DST: variants seen among roughly 807,000 people sequenced by gnomAD.
The protein encoded by DST is bullous pemphigoid antigen.
DST carries 253 observed loss-of-function variants against 875.2 expected under a neutral mutation model. That is an observed-to-expected ratio of 0.29 (90% CI 0.26 to 0.32). DST has a LOEUF of 0.32. Among genes scored for constraint, DST ranks in the 10% least tolerant of loss-of-function variants. The pLI is 1.00. For synonymous variants in DST, 3,124 were observed against 3,197.1 expected, an observed-to-expected ratio of 0.98 and a Z score of 0.77; for missense variants, 8,287 against 9,111.6, an observed-to-expected ratio of 0.91 and a Z score of 3.68.
At chr6:56,840,662 T>C (rs932957554) in intron 4 of DST, among the ~76,000 whole-genome samples, 1 of 152,188 alleles carries the variant, frequency 6.6e-6, no homozygotes. Context: ...AAGAATAGAC[T>C]GACTACACCA....
Position 56,463,643 on chromosome 6 carries a change from T to G in DST, c.22881A>C (p.Ser7627=), listed in dbSNP as rs1190675127. 1.2e-6 allele frequency: 2 copies of G among 1,613,836 alleles called. No homozygotes were observed. The highest frequency in any genetic ancestry group is 2.2e-5 in the South Asian group (2 of 91,064). The part of the protein sequence containing the change: ...RRSRPSSRGA[S]PNRSTSVSSQ... ...TGGACACAGAAGTGGATCTGTTGGGTGAAGCGCCTCGTGATGATGGCCGGG... is the reference window on the plus strand; with the variant it reads ...TGGACACAGAAGTGGATCTGTTGGGGGAAGCGCCTCGTGATGATGGCCGGG... The change falls in exon 101 of 104, where the codon TCA becomes TCC. Residue 7627 remains serine, a synonymous_variant. Transcript: ENST00000680361.
chr6:56,900,653 G>C (rs909935778), intron 2 of DST, 32 bp from the exon 3 acceptor site: 2 of 1,355,184 alleles, frequency 1.5e-6, no homozygotes, highest in African/African-American at 3.0e-5. Context: ...AGCAAATCCA[G>C]ATTTGTATTG....
rs1328643884 is a variant in DST at position 56,608,389 on chromosome 6, A to G, written c.6239T>C (p.Ile2080Thr). 1 of 1,613,156 alleles carries G rather than the reference A, an allele frequency of 6.2e-7. No individual in the cohort carries two copies. Among genetic ancestry groups the G allele is most frequent in the Non-Finnish European group, 8.5e-7 (1 of 1,179,788 alleles). The change falls in exon 40 of 104, where the codon ATA becomes ACA. Residue 2080 changes from isoleucine to threonine, a missense_variant. Physicochemically the swap from Ile to Thr is moderately conservative, Grantham distance 89. Transcript: ENST00000680361. ...CTGCAAGGAAGATGATGTGGGAAAT[A>G]TTTCACCAGAATGGGGCCAAATGAG... is the stretch of plus-strand genomic sequence containing the variant. ...VGLIWPHSGE[I>T]FPTSSSLQQE...
At position 56,814,600 on chromosome 6, in the gene DST, C is replaced by T. The variant is rs560884444; in HGVS notation, c.625+36797G>A. Among the ~76,000 whole-genome samples, 18 of 152,290 alleles carry T rather than the reference C, an allele frequency of 1.2e-4. No homozygotes were observed. The East Asian group carries it at 1.7e-3, about 15-fold the overall frequency. On this transcript the variant is annotated intron_variant, in intron 4 of 103. Coordinates refer to ENST00000680361, the MANE Select transcript of DST (RefSeq NM_001374736.1). ...ACAATGCAGCAGTTTCCTTCAACAG[C>T]ATTTGTCACAGCAAGTTACAGCTGT...
In DST at chr6:56,709,540, T is replaced by A. The variant is rs187004461; in HGVS notation, c.688-5171A>T. 5.2e-3 allele frequency among the ~76,000 whole-genome samples: 793 copies of A among 152,328 alleles called. 6 individuals carry two copies. Among genetic ancestry groups the A allele is most frequent in the African/African-American group, 0.018 (750 of 41,568 alleles). Reference sequence around the variant, plus strand: ...TTTTAAAAGTCTGACATTATAGTGGTTGATGTTAATCTAGACAAATTTCAC... The same window carrying A: ...TTTTAAAAGTCTGACATTATAGTGGATGATGTTAATCTAGACAAATTTCAC... On this transcript the variant is annotated intron_variant, in intron 5 of 103. Coordinates refer to ENST00000680361, the MANE Select transcript of DST (RefSeq NM_001374736.1).
At position 56,635,232 on chromosome 6, in the gene DST, A is replaced by C. The variant is rs553794746; in HGVS notation, c.3187-279T>G. On this transcript the variant is annotated intron_variant, in intron 24 of 103. Transcript: ENST00000680361. ...CTAACTCCCTCTCTAGCATGTAAGCACCACAAAGGTAGAGATTCTTGTCTG... is the reference window on the plus strand; with the variant it reads ...CTAACTCCCTCTCTAGCATGTAAGCCCCACAAAGGTAGAGATTCTTGTCTG... Among the ~76,000 whole-genome samples, 8 of 152,264 alleles carry C rather than the reference A, an allele frequency of 5.3e-5. No homozygotes were observed. The East Asian group carries it at 1.5e-3, about 29-fold the overall frequency.
intron 4 of DST, among the ~76,000 whole-genome samples, chr6:56,784,182 T>C (rs569830973): frequency 5.3e-5 from 8 of 152,318 alleles, no homozygotes; most frequent in African/African-American, 1.7e-4. Flanking sequence ...TCAACTTTGG[T>C]GAATGTGACA....
rs565195781 is a variant in DST at position 56,779,146 on chromosome 6, A to AT, written c.626-43858dup. ...TCTCTGATGGCCAGTGATGATGAGCATTTTTTCATGTGTCTTTTGGCTGCA... is the reference window on the plus strand; with the variant it reads ...TCTCTGATGGCCAGTGATGATGAGCATTTTTTTCATGTGTCTTTTGGCTGCA... On this transcript the variant is annotated intron_variant, in intron 4 of 103. Coordinates refer to ENST00000680361, the MANE Select transcript of DST (RefSeq NM_001374736.1). Among the ~76,000 whole-genome samples the AT allele has an allele frequency of 3.0e-3, 463 of 152,072 alleles. 3 individuals carry two copies. The highest frequency in any genetic ancestry group is 5.4e-3 in the Non-Finnish European group (366 of 68,016).
chr6:56,636,089 C>T (rs2098821437), intron 23 of DST, among the ~76,000 whole-genome samples: 1 of 151,832 alleles, frequency 6.6e-6, no homozygotes, highest in Admixed American at 6.6e-5. Flanking sequence ...GAAAACAGTT[C>T]CTAAATAAGA....
In DST at chr6:56,636,600, T is replaced by C. The variant is rs575651723; in HGVS notation, c.3017A>G (p.Gln1006Arg). ...CTCCTTTATGTGCTGCTCCACACACTGGCAGAGCTGTAAGATCCAGCTCCA... is the reference window on the plus strand; with the variant it reads ...CTCCTTTATGTGCTGCTCCACACACCGGCAGAGCTGTAAGATCCAGCTCCA... Reference protein sequence around the residue: ...TQWSWILQLCQCVEQHIKENT... With the variant: ...TQWSWILQLCRCVEQHIKENT... The change falls in exon 23 of 104, where the codon CAG (glutamine) becomes CGG (arginine). Residue 1006 changes from glutamine (Q) to arginine (R), a missense_variant. Gln to Arg is a conservative substitution (Grantham distance 43). This residue lies in a region of DST where 1,160 missense variants were observed against 1,424.3 expected (regional missense o/e 0.81). Coordinates refer to ENST00000680361, the MANE Select transcript of DST (RefSeq NM_001374736.1). 2.5e-6 allele frequency: 4 copies of C among 1,613,642 alleles called. No homozygotes were observed. The Admixed American group carries it at 6.7e-5, about 27-fold the overall frequency.
chr6:56,514,223 T>A (rs2096543919), intron 72 of DST, among the ~76,000 whole-genome samples: 1 of 152,200 alleles, frequency 6.6e-6, no homozygotes, highest in Non-Finnish European at 1.5e-5. Context: ...TAGAAATCCA[T>A]GAAACATTTT....
intron 77 of DST, among the ~76,000 whole-genome samples, chr6:56,506,132 A>G (rs1381364699): frequency 6.6e-6 from 1 of 152,206 alleles, no homozygotes; most frequent in Non-Finnish European, 1.5e-5. Context: ...TGAGCCATTT[A>G]TAAAAAACAC....
In DST at chr6:56,631,215, CT is replaced by C; in HGVS notation, c.4137del (p.Ile1379MetfsTer4). ...ATTGAGATAGCAGTTACATACTTAT[CT>C]ATGTAAGTGGAAGACATAGAATAGA... is the stretch of plus-strand genomic sequence containing the variant. ...NQVYSMSSTY[I>X]DKLKTVNLVL... On this transcript the variant is annotated frameshift_variant, in exon 30 of 104. Transcript: ENST00000680361. LOFTEE classifies it high-confidence loss of function. 6.3e-7 allele frequency: 1 copy of C among 1,596,558 alleles called. No individual in the cohort carries two copies. The highest frequency in any genetic ancestry group is 8.6e-7 in the Non-Finnish European group (1 of 1,165,212).
chr6:56,482,087 T>A lies in DST; in HGVS notation c.21494A>T (p.Asp7165Val). The change falls in exon 90 of 104, where the codon GAT becomes GTT. Residue 7165 changes from aspartate to valine, a missense_variant. This residue lies in a region of DST where 1,292 missense variants were observed against 1,552.7 expected (regional missense o/e 0.83). Coordinates refer to ENST00000680361, the MANE Select transcript of DST (RefSeq NM_001374736.1). ...TLRFHGVLPD[D>V]EDALRTLIDQ... ...AATGAGAGTCCGGAGAGCATCCTCATCATCTGGGAGGACACCATGGAAACG... is the reference window on the plus strand; with the variant it reads ...AATGAGAGTCCGGAGAGCATCCTCAACATCTGGGAGGACACCATGGAAACG... The A allele has an allele frequency of 1.2e-6, 2 of 1,613,774 alleles. No individual in the cohort carries two copies. Among genetic ancestry groups the A allele is most frequent in the Non-Finnish European group, 1.7e-6 (2 of 1,179,806 alleles).
intron 49 of DST, among the ~76,000 whole-genome samples, chr6:56,586,574 T>C (rs1048535389): frequency 3.9e-5 from 6 of 152,170 alleles, no homozygotes; most frequent in Admixed American, 2.6e-4. Flanking sequence ...TGTCTTTTAA[T>C]TGGAGCATTT....
At chr6:56,814,612 C>T (rs2099764444) in intron 4 of DST, among the ~76,000 whole-genome samples, 3 of 152,176 alleles carry the variant, frequency 2.0e-5, no homozygotes, top group African/African-American at 7.2e-5. Flanking sequence ...TTTGTCACAG[C>T]AAGTTACAGC....
intron 3 of DST, among the ~76,000 whole-genome samples, chr6:56,857,809 G>C (rs1768760124): frequency 6.6e-6 from 1 of 152,082 alleles, no homozygotes; most frequent in South Asian, 2.1e-4. Flanking sequence ...TTTTTATTTA[G>C]AAATAAGTTT....
chr6:56,871,776 T>TA (rs746142378), intron 3 of DST: 8,691 of 95,370 alleles, frequency 0.091, 467 homozygotes, highest in African/African-American at 0.24. Context: ...CAATTAAAAG[T>TA]AAAAAAAAAA....
At chr6:56,661,876 C>T (rs12207685) in intron 10 of DST, among the ~76,000 whole-genome samples, 3,132 of 152,262 alleles carry the variant, frequency 0.021, 56 homozygotes, top group Non-Finnish European at 0.029. Context: ...GTGTGAGTCA[C>T]CGCGCCCGGC....
Sources: gnomAD v4.1 joint callset for allele counts (sites outside exome capture counted in the v4.1 genomes callset) on GRCh38, gnomAD v4.1.1 for gene constraint, gnomAD v4.1.1 regional missense constraint, MANE v1.5 for transcripts, NCBI Gene and HGNC (gene_info 2026-07-23, HGNC 2026-07-21) for gene names.